ABR: variants seen among roughly 807,000 people sequenced by gnomAD.
The protein encoded by ABR is active breakpoint cluster region-related protein.
ABR carries 35 observed loss-of-function variants against 107.2 expected under a neutral mutation model. That is an observed-to-expected ratio of 0.33 (90% CI 0.25 to 0.43). The LOEUF (loss-of-function observed/expected upper bound fraction) is 0.43, where lower values mean the gene tolerates loss of function less well. ABR is among the 20% of genes least tolerant of loss of function. The probability of loss-of-function intolerance (pLI) is 1.00; values close to 1 mark genes in which losing one functional copy is unlikely to be tolerated. For missense variants in ABR, 815 were observed against 1,115.2 expected (o/e 0.73, Z 3.83); for synonymous variants, 498 against 462.0 (o/e 1.08, Z -1.00).
intron 1 of ABR, among the ~76,000 whole-genome samples, chr17:1,220,470 C>G (rs1247614000): frequency 1.3e-5 from 2 of 152,148 alleles, no homozygotes; most frequent in Admixed American, 6.6e-5. Context: ...CTACGCGGTG[C>G]AGAAATAACA....
At chr17:1,102,195 C>T (rs2151351394) in intron 2 of ABR, among the ~76,000 whole-genome samples, 1 of 152,254 alleles carries the variant, frequency 6.6e-6, no homozygotes, top group South Asian at 2.1e-4. Flanking sequence ...CGCAGGAGAA[C>T]CAGCCTCCTC....
rs576608517 is a variant in ABR at position 1,070,438 on chromosome 17, G to A, written c.895-348C>T. On this transcript the variant is annotated intron_variant, in intron 8 of 22. Transcript: ENST00000302538. The surrounding 1 kb of genome is among the most constrained non-coding windows in gnomAD (Gnocchi z 4.2). ...GGCACATTAAGTGTGTGCAACGCAC[G>A]GGGCTCTCCGCGGCTAACCCTGGAG... Among the ~76,000 whole-genome samples the A allele has an allele frequency of 1.2e-4, 19 of 152,242 alleles. No individual in the cohort carries two copies. The highest frequency in any genetic ancestry group is 3.9e-4 in the East Asian group (2 of 5,166).
intron 1 of ABR, among the ~76,000 whole-genome samples, chr17:1,226,079 T>C (rs9904039): frequency 0.15 from 23,327 of 152,156 alleles, 2,793 homozygotes; most frequent in African/African-American, 0.33. Flanking sequence ...AACCCCTGCC[T>C]GCCTGGAGCT....
intron 1 of ABR, among the ~76,000 whole-genome samples, chr17:1,156,938 A>G (rs935181827): frequency 1.3e-5 from 2 of 152,284 alleles, no homozygotes; most frequent in Non-Finnish European, 2.9e-5. Context: ...TCATTTCAAC[A>G]CAGCCACTGT....
chr17:1,108,428 C>G (rs1266062147), intron 2 of ABR, among the ~76,000 whole-genome samples: 1 of 152,256 alleles, frequency 6.6e-6, no homozygotes, highest in Non-Finnish European at 1.5e-5. Flanking sequence ...GGGCACCTGC[C>G]CACCTGGCTG....
chr17:1,146,981 T>C (rs2040582806), intron 1 of ABR, among the ~76,000 whole-genome samples: 1 of 152,214 alleles, frequency 6.6e-6, no homozygotes, highest in African/African-American at 2.4e-5. Flanking sequence ...CACCTGCCAC[T>C]ATGTGGTCAA....
chr17:1,144,245 C>G (rs541040155), intron 1 of ABR, among the ~76,000 whole-genome samples: 4 of 152,084 alleles, frequency 2.6e-5, no homozygotes, highest in Non-Finnish European at 4.4e-5. Context: ...TGCCATGATA[C>G]GACGAAAGCT....
chr17:1,104,884 C>A (rs1269415550), intron 2 of ABR, among the ~76,000 whole-genome samples: 1 of 152,172 alleles, frequency 6.6e-6, no homozygotes, highest in Non-Finnish European at 1.5e-5. Flanking sequence ...TAGGCAGGCA[C>A]CATAGGGCAC....
intron 3 of ABR, 124 bp downstream of exon 3, chr17:1,100,513 C>G: frequency 1.1e-6 from 1 of 872,904 alleles, no homozygotes; most frequent in Non-Finnish European, 1.8e-6. Context: ...GCTGCAGACT[C>G]TGTCCACAGG....
At chr17:1,116,396 T>G (rs2038988291) in intron 2 of ABR, among the ~76,000 whole-genome samples, 1 of 152,132 alleles carries the variant, frequency 6.6e-6, no homozygotes, top group Non-Finnish European at 1.5e-5. Flanking sequence ...TCATCTAGTC[T>G]CCCTGTGCCT....
chr17:1,171,953 G>A lies in ABR; in HGVS notation c.61+7714C>T, dbSNP rs576358554. 5.9e-5 allele frequency among the ~76,000 whole-genome samples: 9 copies of A among 152,084 alleles called. No homozygotes were observed. The South Asian group carries it at 1.7e-3, about 28-fold the overall frequency. ...CTCAAAAAAATGAAGAAAGAGGGGA[G>A]TGGCACCCGATTAATCAATCAGGTC... On this transcript the variant is annotated intron_variant, in intron 1 of 22. Transcript: ENST00000302538.
At chr17:1,146,594 ATGCCACCACTGCCACATGACACCAC>A (rs2040535465) in intron 1 of ABR, among the ~76,000 whole-genome samples, 3 of 150,724 alleles carry the variant, frequency 2.0e-5, no homozygotes, top group Non-Finnish European at 2.9e-5. Flanking sequence ...ACCTGCCACC[ATGCCACCACTGCCACATGACACCAC>A]TGCCACCACT....
At chr17:1,161,780 C>T (rs1319248168) in intron 1 of ABR, among the ~76,000 whole-genome samples, 5 of 152,126 alleles carry the variant, frequency 3.3e-5, no homozygotes, top group African/African-American at 1.2e-4. Context: ...GTCTCAAACT[C>T]CTGACCTCAG....
chr17:1,207,169 T>A (rs538994327), intron 1 of ABR, among the ~76,000 whole-genome samples: 2 of 151,752 alleles, frequency 1.3e-5, no homozygotes, highest in African/African-American at 4.8e-5. Context: ...GAAGGATTGC[T>A]TGAGCCCAGG....
At chr17:1,101,027 T>C in intron 2 of ABR, 1 of 421,816 alleles carries the variant, frequency 2.4e-6, no homozygotes, top group South Asian at 2.5e-5. Flanking sequence ...TTTCACCATG[T>C]TGGCCAGGCT....
At chr17:1,090,915 G>A (rs945024109) in intron 4 of ABR, among the ~76,000 whole-genome samples, 7 of 152,204 alleles carry the variant, frequency 4.6e-5, no homozygotes, top group African/African-American at 1.4e-4. Flanking sequence ...AGTCTGACCT[G>A]GGGGTCCTCC....
At chr17:1,131,022 C>G (rs192907538) in intron 1 of ABR, among the ~76,000 whole-genome samples, 1 of 151,830 alleles carries the variant, frequency 6.6e-6, no homozygotes, top group South Asian at 2.1e-4. Context: ...ACAAATGCAG[C>G]GCCTGACACG....
At chr17:1,171,083 G>A (rs1043260846) in intron 1 of ABR, among the ~76,000 whole-genome samples, 44 of 152,186 alleles carry the variant, frequency 2.9e-4, no homozygotes, top group Admixed American at 2.4e-3. Context: ...CTCCAAGGGA[G>A]AGACTCCCTC....
intron 1 of ABR, among the ~76,000 whole-genome samples, chr17:1,133,086 A>G (rs1232788503): frequency 6.6e-6 from 1 of 152,152 alleles, no homozygotes; most frequent in Non-Finnish European, 1.5e-5. Context: ...CTACTAAAAT[A>G]CAAAATTAGC....
Sources: allele counts gnomAD v4.1 joint callset (sites outside exome capture counted in the v4.1 genomes callset), GRCh38; gene constraint gnomAD v4.1.1; non-coding constraint Gnocchi (gnomAD v3.1); transcripts MANE v1.5; gene names NCBI Gene and HGNC (gene_info 2026-07-23, HGNC 2026-07-21).